EIF4B: variants seen among roughly 807,000 people sequenced by gnomAD.
The protein encoded by EIF4B is eukaryotic translation initiation factor 4B.
In EIF4B, 8 loss-of-function variants were observed where a neutral mutation model predicts 79.3. The observed-to-expected ratio is 0.10, with a 90% CI of 0.06 to 0.18. The LOEUF (loss-of-function observed/expected upper bound fraction) is 0.18. Among genes scored for constraint, EIF4B ranks in the 10% least tolerant of loss-of-function variants. EIF4B has a pLI of 1.00. For missense variants in EIF4B, 515 were observed against 792.4 expected, an observed-to-expected ratio of 0.65 and a Z score of 4.20; for synonymous variants, 238 against 274.7, an observed-to-expected ratio of 0.87 and a Z score of 1.32.
chr12:53,018,108 A>G (rs576399798), intron 2 of EIF4B, among the ~76,000 whole-genome samples: 2 of 152,342 alleles, frequency 1.3e-5, no homozygotes, highest in East Asian at 3.9e-4. Context: ...GTCCTGTCTC[A>G]GCCTCCCAAG....
intron 1 of EIF4B, chr12:53,014,728 C>T (rs1358326588): frequency 2.6e-5 from 4 of 152,156 alleles, no homozygotes; most frequent in Non-Finnish European, 5.9e-5. Context: ...AGGGGTACAT[C>T]AAGTTTGATA....
chr12:53,028,147 G>A lies in EIF4B; in HGVS notation c.938G>A (p.Arg313Lys). The change falls in exon 8 of 15, where the codon AGA (arginine) becomes AAA (lysine). Residue 313 changes from arginine to lysine, a missense_variant. Transcript: ENST00000262056. ...CGGGATGATCGGTCGTGGAGCTCCAGAGATGATTACTCTCGGGATGATTAT... is the reference window on the plus strand; with the variant it reads ...CGGGATGATCGGTCGTGGAGCTCCAAAGATGATTACTCTCGGGATGATTAT... ...DRRDDRSWSS[R>K]DDYSRDDYRR... The A allele has an allele frequency of 6.2e-7, 1 of 1,613,036 alleles. No individual in the cohort carries two copies. Among genetic ancestry groups the A allele is most frequent in the Non-Finnish European group, 8.5e-7 (1 of 1,179,604 alleles).
chr12:53,025,383 C>A, intron 6 of EIF4B: 1 of 375,756 alleles, frequency 2.7e-6, no homozygotes. Flanking sequence ...GCCCCAAAGT[C>A]AACTTAGTTA....
intron 11 of EIF4B, 54 bp from the exon 12 acceptor site, chr12:53,038,302 G>T: frequency 2.0e-6 from 3 of 1,497,938 alleles, no homozygotes; most frequent in South Asian, 1.3e-5. Context: ...TATGTTTCTT[G>T]GTTGTTTTCT....
intron 3 of EIF4B, 46 bp from the exon 4 acceptor site, chr12:53,019,864 G>A (rs748176946): frequency 1.9e-6 from 3 of 1,576,228 alleles, no homozygotes; most frequent in South Asian, 1.1e-5. Context: ...AATGACAAAT[G>A]AAGAAGAATG....
Position 53,039,656 on chromosome 12 carries a change from C to G in EIF4B, c.1709C>G (p.Ser570Cys). ...AAAGATGGCAAAAAGGATCAAGACT[C>G]CAGATCTGCACCTGAGCCAAAGAAA... ...DRKDGKKDQD[S>C]RSAPEPKKPE... The change falls in exon 14 of 15, where the codon TCC (serine) becomes TGC (cysteine). Residue 570 changes from serine to cysteine, a missense_variant. Physicochemically the swap from Ser to Cys is moderately radical, Grantham distance 112. This residue lies in a region of EIF4B where 60 missense variants were observed against 56.7 expected (regional missense o/e 1.06). Coordinates refer to ENST00000262056, the MANE Select transcript of EIF4B (RefSeq NM_001417.7). The G allele has an allele frequency of 1.9e-6, 3 of 1,613,806 alleles. No homozygotes were observed. The highest frequency in any genetic ancestry group is 1.7e-6 in the Non-Finnish European group (2 of 1,179,822).
intron 1 of EIF4B, among the ~76,000 whole-genome samples, chr12:53,010,400 A>T (rs984387638): frequency 1.3e-5 from 2 of 152,088 alleles, no homozygotes; most frequent in African/African-American, 4.8e-5. Flanking sequence ...TAGTAAATGC[A>T]TTTTTTTACT....
intron 8 of EIF4B, among the ~76,000 whole-genome samples, chr12:53,031,491 G>A (rs1043553130): frequency 1.3e-5 from 2 of 152,164 alleles, no homozygotes; most frequent in South Asian, 2.1e-4. Context: ...GCCCAGGCTG[G>A]TTTTAAACTT....
chr12:53,006,810 C>T (rs981288196), intron 1 of EIF4B, among the ~76,000 whole-genome samples: 13 of 151,920 alleles, frequency 8.6e-5, no homozygotes, highest in Non-Finnish European at 1.5e-4. Flanking sequence ...GAGGCCTTTT[C>T]GTAGACGTGA....
intron 12 of EIF4B, chr12:53,038,742 G>A (rs1373893278): frequency 2.4e-5 from 4 of 165,080 alleles, no homozygotes; most frequent in South Asian, 1.7e-4. Flanking sequence ...GCTTGAACCC[G>A]GGAGACGGAG....
In EIF4B at chr12:53,039,381, CAT is replaced by C. The variant is rs140983860; in HGVS notation, c.1682+39_1682+40del. ...TCTTTCTCATCTTTCCTCTGATCCA[CAT>C]GTTTGTGTAATTAAGAAATTAAGTT... is the stretch of plus-strand genomic sequence containing the variant. On this transcript the variant is annotated intron_variant, in intron 13 of 14. Coordinates refer to ENST00000262056, the MANE Select transcript of EIF4B (RefSeq NM_001417.7). 2.2e-3 allele frequency: 3,226 copies of C among 1,481,132 alleles called. 31 individuals are homozygous for C. In the East Asian group the frequency reaches 0.023, roughly 11 times the overall value. 91.7% of individuals were successfully genotyped at this position (1,481,132 alleles called of 1,614,324 possible). A position where few individuals can be genotyped will look rare whatever the true frequency, so the allele number is the denominator to read the frequency against.
chr12:53,021,942 G>C (rs1029926900), intron 5 of EIF4B, 82 bp downstream of exon 5: 1 of 1,518,734 alleles, frequency 6.6e-7, no homozygotes, highest in South Asian at 1.1e-5. Flanking sequence ...ATTTGAATAG[G>C]GGTAGTGGTG....
chr12:53,037,833 A>G, intron 11 of EIF4B: 2 of 608,054 alleles, frequency 3.3e-6, no homozygotes, highest in Admixed American at 6.2e-5. Context: ...ATCAGCTATG[A>G]TGGGAGTACT....
At position 53,028,208 on chromosome 12, in the gene EIF4B, G is replaced by C. The variant is rs547635059; in HGVS notation, c.979+20G>C. ...ATAGAGGTAATAGTTTTCTTTTTAC[G>C]TACTTCATGGAGCAGAAACTGGGAA... On this transcript the variant is annotated intron_variant, in intron 8 of 14. Coordinates refer to ENST00000262056, the MANE Select transcript of EIF4B (RefSeq NM_001417.7). 4 of 1,547,564 alleles carry C rather than the reference G, an allele frequency of 2.6e-6. No individual in the cohort carries two copies. The highest frequency in any genetic ancestry group is 4.5e-5 in the East Asian group (2 of 44,338).
At chr12:53,026,921 C>T (rs992565166) in intron 6 of EIF4B, among the ~76,000 whole-genome samples, 3 of 152,008 alleles carry the variant, frequency 2.0e-5, no homozygotes, top group East Asian at 1.9e-4. Flanking sequence ...ATTTAAGCTC[C>T]TAAAATTCAA....
At chr12:53,016,396 T>A in intron 1 of EIF4B, 77 bp from the exon 2 acceptor site, 2 of 1,568,250 alleles carry the variant, frequency 1.3e-6, no homozygotes, top group Non-Finnish European at 1.7e-6. Context: ...CTAAATAATG[T>A]TTTACAATAT....
At chr12:53,034,065 G>A (rs750990771) in intron 9 of EIF4B, 31 bp downstream of exon 9, 27 of 1,573,728 alleles carry the variant, frequency 1.7e-5, no homozygotes, top group Non-Finnish European at 2.2e-5. Context: ...TCCCATCTAG[G>A]AATCCGGTGG....
intron 9 of EIF4B, 115 bp from the exon 10 acceptor site, chr12:53,034,497 A>G: frequency 1.1e-6 from 1 of 917,910 alleles, no homozygotes; most frequent in Non-Finnish European, 1.7e-6. Context: ...AGATAAATTT[A>G]TATGCATATA....
At chr12:53,010,874 A>G (rs900248729) in intron 1 of EIF4B, among the ~76,000 whole-genome samples, 2 of 152,152 alleles carry the variant, frequency 1.3e-5, no homozygotes, top group African/African-American at 4.8e-5. Context: ...CACCTGGCCT[A>G]AAGTAGCTTT....
Sources: allele counts gnomAD v4.1 joint callset (sites outside exome capture counted in the v4.1 genomes callset), GRCh38; gene constraint gnomAD v4.1.1; regional missense constraint gnomAD v4.1.1; transcripts MANE v1.5; gene names NCBI Gene and HGNC (gene_info 2026-07-23, HGNC 2026-07-21).